CR1L: variants seen among roughly 807,000 people sequenced by gnomAD.
The protein encoded by CR1L is complement component receptor 1-like protein.
A neutral mutation model predicts 62.3 loss-of-function variants in CR1L; 59 were observed. The observed-to-expected ratio is 0.95, with a 90% CI of 0.77 to 1.18. CR1L has a LOEUF of 1.18. Ranked by LOEUF, CR1L falls within the 50% of genes most tolerant of loss-of-function variation. The pLI, the probability that CR1L is intolerant of heterozygous loss-of-function variation, is 0.00. For synonymous variants in CR1L, 279 were observed against 248.7 expected, an observed-to-expected ratio of 1.12 and a Z score of -1.15; for missense variants, 700 against 702.8, an observed-to-expected ratio of 1.00 and a Z score of 0.04.
At chr1:207,709,750 T>C (rs564598493) in intron 10 of CR1L, among the ~76,000 whole-genome samples, 41 of 148,412 alleles carry the variant, frequency 2.8e-4, no homozygotes, top group Non-Finnish European at 5.5e-4. Context: ...AGCAGGAGAA[T>C]CATTTGAGGC....
At chr1:207,677,342 G>A (rs745380158) in intron 1 of CR1L, 47 bp from the exon 2 acceptor site, 7 of 683,224 alleles carry the variant, frequency 1.0e-5, no homozygotes, top group Non-Finnish European at 1.6e-5. Flanking sequence ...AAAAAAGTAT[G>A]GTAATTTCTC....
intron 9 of CR1L, among the ~76,000 whole-genome samples, chr1:207,703,286 G>A (rs982123503): frequency 2.6e-5 from 4 of 152,174 alleles, no homozygotes; most frequent in African/African-American, 9.7e-5. Context: ...TCAAAGGATA[G>A]GCTGCCTTTT....
intron 11 of CR1L, among the ~76,000 whole-genome samples, chr1:207,722,649 T>C (rs1195753631): frequency 2.0e-5 from 3 of 152,182 alleles, no homozygotes; most frequent in Admixed American, 6.5e-5. Flanking sequence ...TTTTTTTAAA[T>C]TGTCCATTAA....
intron 11 of CR1L, among the ~76,000 whole-genome samples, chr1:207,718,929 TA>T: frequency 6.7e-6 from 1 of 149,308 alleles, no homozygotes; most frequent in East Asian, 1.9e-4. Context: ...TATGCAGCCA[TA>T]AAAAATGATG....
At chr1:207,693,798 C>G (rs1330891143) in intron 4 of CR1L, among the ~76,000 whole-genome samples, 1 of 151,372 alleles carries the variant, frequency 6.6e-6, no homozygotes, top group Non-Finnish European at 1.5e-5. Context: ...TTCTAGCTTT[C>G]TAAATCTTTT....
intron 1 of CR1L, among the ~76,000 whole-genome samples, chr1:207,675,539 C>T (rs991664964): frequency 3.3e-5 from 5 of 152,170 alleles, no homozygotes; most frequent in African/African-American, 1.2e-4. Flanking sequence ...GGCCACCACA[C>T]CTTGGTGAGG....
chr1:207,694,824 G>T (rs1293528110), intron 5 of CR1L, 73 bp downstream of exon 5: 1 of 1,606,684 alleles, frequency 6.2e-7, no homozygotes, highest in Non-Finnish European at 8.5e-7. Context: ...ATTAGTATTT[G>T]TTCAGGGGGA....
At chr1:207,666,419 CTAT>C (rs1663524611) in intron 1 of CR1L, among the ~76,000 whole-genome samples, 1 of 152,218 alleles carries the variant, frequency 6.6e-6, no homozygotes, top group South Asian at 2.1e-4. Context: ...CCCCTCATGA[CTAT>C]TCACAATAGC....
chr1:207,719,034 C>T (rs1654072269), intron 11 of CR1L, among the ~76,000 whole-genome samples: 2 of 143,294 alleles, frequency 1.4e-5, no homozygotes, highest in African/African-American at 2.6e-5. Flanking sequence ...CGCATATTCT[C>T]ACTCATAGGT....
intron 1 of CR1L, among the ~76,000 whole-genome samples, chr1:207,646,384 T>C (rs6696840): frequency 0.43 from 64,691 of 151,834 alleles, 14,141 homozygotes; most frequent in East Asian, 0.67. Flanking sequence ...TCCCACTGTT[T>C]TGTATTTCAT....
intron 4 of CR1L, among the ~76,000 whole-genome samples, chr1:207,689,738 T>G (rs1267572185): frequency 3.3e-5 from 5 of 152,096 alleles, no homozygotes; most frequent in Non-Finnish European, 5.9e-5. Context: ...AATCTGGACC[T>G]GAGGGTTTGT....
intron 9 of CR1L, among the ~76,000 whole-genome samples, chr1:207,704,571 T>C (rs1571530833): frequency 6.6e-6 from 1 of 152,346 alleles, no homozygotes; most frequent in East Asian, 1.9e-4. Flanking sequence ...CCAGTTTTAT[T>C]GTTGTCTTAG....
At chr1:207,700,269 T>C (rs1216007261) in intron 8 of CR1L, among the ~76,000 whole-genome samples, 2 of 152,228 alleles carry the variant, frequency 1.3e-5, no homozygotes, top group East Asian at 1.9e-4. Context: ...ACATAACTTA[T>C]ATAGAGATGC....
intron 10 of CR1L, chr1:207,710,604 A>G: frequency 6.2e-7 from 1 of 1,610,068 alleles, no homozygotes; most frequent in East Asian, 2.2e-5. Flanking sequence ...ATACCTAACA[A>G]ATGCACACCT....
chr1:207,717,321 A>T (rs1402448158), intron 10 of CR1L, 143 bp from the exon 11 acceptor site: 1 of 979,308 alleles, frequency 1.0e-6, no homozygotes, highest in Non-Finnish European at 1.5e-6. Context: ...CAAAAGCCTT[A>T]CAGATTTAAA....
chr1:207,697,913 G>A (rs767689442), intron 7 of CR1L, 40 bp downstream of exon 7: 1 of 1,613,098 alleles, frequency 6.2e-7, no homozygotes, highest in Admixed American at 1.7e-5. Context: ...CATTGAAATT[G>A]GGGTTAGGAA....
intron 10 of CR1L, chr1:207,711,465 C>A (rs539977408): frequency 8.1e-4 from 125 of 154,168 alleles, no homozygotes; most frequent in African/African-American, 2.7e-3. Flanking sequence ...AGGCAGATGG[C>A]GATGAAAGCA....
chr1:207,697,718 C>T (rs372383845), intron 6 of CR1L, 39 bp downstream of exon 6: 175 of 1,613,840 alleles, frequency 1.1e-4, no homozygotes, highest in Non-Finnish European at 1.4e-4. Flanking sequence ...TTTTAGCTTG[C>T]GTCTTTATTC....
At chr1:207,687,401 TA>T (rs1663929405) in intron 4 of CR1L, among the ~76,000 whole-genome samples, 1 of 152,224 alleles carries the variant, frequency 6.6e-6, no homozygotes, top group South Asian at 2.1e-4. Flanking sequence ...GCACACATCT[TA>T]ATTATGCAGT....
Sources: gnomAD v4.1 joint callset for allele counts (sites outside exome capture counted in the v4.1 genomes callset) on GRCh38, gnomAD v4.1.1 for gene constraint, MANE v1.5 for transcripts, NCBI Gene and HGNC (gene_info 2026-07-23, HGNC 2026-07-21) for gene names.